Variants in DNM2 observed in about 807,000 individuals in gnomAD.
DNM2 encodes dynamin 2.
Under a neutral mutation model 99.0 loss-of-function variants are expected in DNM2, and 15 were observed. That is an observed-to-expected ratio of 0.15 (90% CI 0.10 to 0.23). DNM2 has a LOEUF of 0.23. Ranked by LOEUF, DNM2 falls within the 10% of genes least tolerant of loss-of-function variation. DNM2 has a pLI of 1.00. For missense variants in DNM2, 742 were observed against 1,189.4 expected (o/e 0.62, Z 5.53); for synonymous variants, 525 against 481.2 (o/e 1.09, Z -1.19).
At chr19:10,721,118 C>T (rs2068924808) in intron 1 of DNM2, among the ~76,000 whole-genome samples, 1 of 151,954 alleles carries the variant, frequency 6.6e-6, no homozygotes, top group Non-Finnish European at 1.5e-5. Flanking sequence ...GAGCTGGTTC[C>T]TGTGGCGACC....
chr19:10,793,383 T>C (rs926458801), intron 7 of DNM2, among the ~76,000 whole-genome samples: 11 of 152,242 alleles, frequency 7.2e-5, no homozygotes, highest in Non-Finnish European at 1.5e-4. Context: ...TACCTTTCCT[T>C]CCCAGCATCC....
chr19:10,772,393 C>T lies in DNM2; in HGVS notation c.236-86C>T. The T allele has an allele frequency of 6.3e-7, 1 of 1,575,864 alleles. No homozygotes were observed. The highest frequency in any genetic ancestry group is 8.6e-7 in the Non-Finnish European group (1 of 1,156,234). Reference sequence around the variant, plus strand: ...TGTGCCCAGCCTGGGTCATTACTTTCATTCAACAAAGCATTTCTCCCCGCA... The same window carrying T: ...TGTGCCCAGCCTGGGTCATTACTTTTATTCAACAAAGCATTTCTCCCCGCA... On this transcript the variant is annotated intron_variant, in intron 2 of 20. Coordinates refer to ENST00000389253, the MANE Select transcript of DNM2 (RefSeq NM_001005361.3). This position sits in a 1 kb window ranked among gnomAD's most constrained non-coding sequence, Gnocchi z 4.9.
intron 8 of DNM2, among the ~76,000 whole-genome samples, chr19:10,794,911 ATTTG>A (rs897765126): frequency 3.9e-5 from 6 of 152,050 alleles, no homozygotes; most frequent in African/African-American, 1.4e-4. Context: ...TAATTAATTA[ATTTG>A]TTTGTTTATT....
rs757494612 is a variant in DNM2, at chr19:10,746,727, G to GTTTTTTTTTTT, written c.162-13005_162-13004insTTTTTTTTTTT. 1.9e-4 allele frequency among the ~76,000 whole-genome samples: 22 copies of GTTTTTTTTTTT among 116,210 alleles called. 1 individual carries two copies. The highest frequency in any genetic ancestry group is 3.1e-4 in the East Asian group (1 of 3,212). 76.2% of individuals were successfully genotyped at this position (116,210 alleles called of 152,430 possible). Reference sequence around the variant, plus strand: ...GAGCAACCGTGCCGGCTTTTTTTTTGTTTTTTGTTTTTTTTTTTTTTGAGA... The same window carrying GTTTTTTTTTTT: ...GAGCAACCGTGCCGGCTTTTTTTTTGTTTTTTTTTTTTTTTTTGTTTTTTTTTTTTTTGAGA... On this transcript the variant is annotated intron_variant, in intron 1 of 20. Coordinates refer to ENST00000389253, the MANE Select transcript of DNM2 (RefSeq NM_001005361.3).
chr19:10,782,559 C>T (rs2071414949), intron 5 of DNM2, among the ~76,000 whole-genome samples: 1 of 151,394 alleles, frequency 6.6e-6, no homozygotes, highest in African/African-American at 2.4e-5. Context: ...GGGGTTTCAC[C>T]ATGCTGGCCA....
intron 1 of DNM2, among the ~76,000 whole-genome samples, chr19:10,737,151 C>T (rs1193227962): frequency 6.6e-6 from 1 of 151,962 alleles, no homozygotes. Flanking sequence ...CTATATCCTT[C>T]CTCTACTTGG....
chr19:10,768,644 C>T (rs2070877326), intron 2 of DNM2: 1 of 152,290 alleles, frequency 6.6e-6, no homozygotes, highest in African/African-American at 2.4e-5. Flanking sequence ...GGTGGTCCTT[C>T]CTGGGCCCGT....
chr19:10,822,187 C>CTTTTTTTTTTTTT (rs1245880128), intron 16 of DNM2, among the ~76,000 whole-genome samples: 2 of 140,574 alleles, frequency 1.4e-5, no homozygotes, highest in African/African-American at 2.6e-5. Flanking sequence ...TTTTCTTTTT[C>CTTTTTTTTTTTTT]TTTTTTTTTT....
At chr19:10,761,803 A>G (rs10419402) in intron 2 of DNM2, among the ~76,000 whole-genome samples, 143,819 of 152,206 alleles carry the variant, frequency 0.94, 68,104 homozygotes, top group East Asian at 1. Flanking sequence ...CCAACCTGGC[A>G]AGAAGGCGTG....
rs1271021922 is a variant in DNM2 at position 10,816,252 on chromosome 19, TG to T, written c.1672-3723del. The stretch of plus-strand genomic sequence containing the variant: ...CTGATGTCCCCTTGACTGAGGACAT[TG>T]GGGGTGAAAGGATCATCCCGCTCCA... On this transcript the variant is annotated intron_variant, in intron 15 of 20. Coordinates refer to ENST00000389253, the MANE Select transcript of DNM2 (RefSeq NM_001005361.3). This position sits in a 1 kb window ranked among gnomAD's most constrained non-coding sequence, Gnocchi z 4.6. 6.6e-6 allele frequency among the ~76,000 whole-genome samples: 1 copy of T among 151,950 alleles called. No homozygotes were observed. The highest frequency in any genetic ancestry group is 1.5e-5 in the Non-Finnish European group (1 of 67,946).
In DNM2 at chr19:10,831,037, T is replaced by C. The variant is rs781165808; in HGVS notation, c.2603T>C (p.Leu868Pro). The change falls in exon 21 of 21, where the codon CTG becomes CCG. Residue 868 changes from leucine (L) to proline (P), a missense_variant. By Grantham distance (98) the Leu-to-Pro change is moderately conservative. Transcript: ENST00000389253. This position sits in a 1 kb window ranked among gnomAD's most constrained non-coding sequence, Gnocchi z 4.3. Reference protein sequence around the residue: ...PTIIRPAEPSLLD With the variant: ...PTIIRPAEPSPLD The stretch of plus-strand genomic sequence containing the variant: ...ATTATCCGCCCAGCCGAGCCATCCC[T>C]GCTCGACTAGGCCTCGAGGGGGGCG... 1.9e-6 allele frequency: 3 copies of C among 1,608,704 alleles called. No individual in the cohort carries two copies. The highest frequency in any genetic ancestry group is 1.7e-4 in the Middle Eastern group (1 of 6,052).
intron 12 of DNM2, among the ~76,000 whole-genome samples, chr19:10,803,472 T>C (rs1044216266): frequency 3.3e-5 from 5 of 152,128 alleles, no homozygotes; most frequent in Non-Finnish European, 1.5e-5. Context: ...GGCCGCCGGG[T>C]GTGTGTGGGC....
chr19:10,764,815 T>G lies in DNM2; in HGVS notation c.235+5004T>G, dbSNP rs138285361. On this transcript the variant is annotated intron_variant, in intron 2 of 20. Transcript: ENST00000389253. The surrounding 1 kb of genome is among the most constrained non-coding windows in gnomAD (Gnocchi z 4.1). ...GCCCAGCTTGCTGGTTCCCACTGCTTGGCCTCTGTGCTCACTGTGCTGCCT... is the reference window on the plus strand; with the variant it reads ...GCCCAGCTTGCTGGTTCCCACTGCTGGGCCTCTGTGCTCACTGTGCTGCCT... Among the ~76,000 whole-genome samples, 996 of 152,316 alleles carry G rather than the reference T, an allele frequency of 6.5e-3. 13 individuals carry two copies. The highest frequency in any genetic ancestry group is 0.023 in the African/African-American group (958 of 41,558).
chr19:10,740,207 C>G (rs971158820), intron 1 of DNM2, among the ~76,000 whole-genome samples: 2 of 152,068 alleles, frequency 1.3e-5, no homozygotes, highest in Admixed American at 1.3e-4. Context: ...TTGATCTATT[C>G]AAAGAGCAAA....
chr19:10,766,010 A>C (rs2070784381), intron 2 of DNM2, among the ~76,000 whole-genome samples: 1 of 151,892 alleles, frequency 6.6e-6, no homozygotes, highest in South Asian at 2.1e-4. Flanking sequence ...GTCATATGGG[A>C]GCCCCGGCAC....
chr19:10,722,358 G>T lies in DNM2; in HGVS notation c.161+3955G>T, dbSNP rs1181737007. ...CTTGTCTGCGGTGCACCAGCAGATA[G>T]AACTTTGGCCCTAAGGAGAAAGGAG... On this transcript the variant is annotated intron_variant, in intron 1 of 20. Coordinates refer to ENST00000389253, the MANE Select transcript of DNM2 (RefSeq NM_001005361.3). 2.0e-5 allele frequency among the ~76,000 whole-genome samples: 3 copies of T among 152,112 alleles called. No homozygotes were observed. The East Asian group carries it at 5.8e-4, about 29-fold the overall frequency.
At chr19:10,805,995 T>C in intron 13 of DNM2, 28 bp downstream of exon 13, 1 of 1,613,836 alleles carries the variant, frequency 6.2e-7, no homozygotes, top group Non-Finnish European at 8.5e-7. Context: ...AGTCTCCCGC[T>C]CTACCCTGGG....
intron 12 of DNM2, among the ~76,000 whole-genome samples, chr19:10,805,509 C>G (rs1405772934): frequency 1.3e-5 from 2 of 152,122 alleles, no homozygotes; most frequent in Admixed American, 1.3e-4. Flanking sequence ...GTGGTATGCA[C>G]CTGTGGTTCC....
intron 7 of DNM2, among the ~76,000 whole-genome samples, chr19:10,789,516 C>T (rs2071678414): frequency 6.6e-6 from 1 of 151,522 alleles, no homozygotes; most frequent in Non-Finnish European, 1.5e-5. Flanking sequence ...AAAGTGGGAT[C>T]CTGTCTCTGA....
Sources: allele counts gnomAD v4.1 joint callset (sites outside exome capture counted in the v4.1 genomes callset), GRCh38; gene constraint gnomAD v4.1.1; non-coding constraint Gnocchi (gnomAD v3.1); transcripts MANE v1.5; gene names NCBI Gene and HGNC (gene_info 2026-07-23, HGNC 2026-07-21).